Variants in CENPT observed in about 807,000 individuals in gnomAD.
CENPT encodes the protein centromere protein T.
CENPT carries 42 observed loss-of-function variants against 59.7 expected under a neutral mutation model. That is an observed-to-expected ratio of 0.70 (90% CI 0.55 to 0.91). The LOEUF (loss-of-function observed/expected upper bound fraction) is 0.91. Ranked by LOEUF, CENPT falls within the 40% of genes least tolerant of loss-of-function variation. The pLI is 0.00. For missense variants in CENPT, 716 were observed against 713.4 expected (o/e 1.00, Z -0.04); for synonymous variants, 295 against 289.6 (o/e 1.02, Z -0.19).
intron 8 of CENPT, 60 bp downstream of exon 8, chr16:67,831,694 C>T: frequency 6.2e-7 from 1 of 1,602,884 alleles, no homozygotes; most frequent in Admixed American, 1.7e-5. Context: ...TCTCAGGACT[C>T]CTCAGCCTCT....
intron 12 of CENPT, 56 bp from the exon 13 acceptor site, chr16:67,829,572 G>C: frequency 6.8e-7 from 1 of 1,472,106 alleles, no homozygotes. Flanking sequence ...TCTCACCCAG[G>C]CCAGCACAGC....
Position 67,831,250 on chromosome 16 carries a change from C to G in CENPT, c.669G>C (p.Leu223Phe), listed in dbSNP as rs2057685335. ...CCAGGGAAGTATCTCGCAGATCCCG[C>G]AAAAAGGCACCCACGTCTACAGCTC... The part of the protein sequence containing the change: ...ARRAVDVGAF[L>F]RDLRDTSLAP... Residue 223 changes from leucine to phenylalanine, a missense_variant, in exon 10 of 16, where the codon TTG becomes TTC. Coordinates refer to ENST00000562787, the MANE Select transcript of CENPT (RefSeq NM_025082.4). 6.2e-7 allele frequency: 1 copy of G among 1,614,102 alleles called. No individual in the cohort carries two copies. The highest frequency in any genetic ancestry group is 1.7e-5 in the Admixed American group (1 of 60,016).
intron 1 of CENPT, among the ~76,000 whole-genome samples, chr16:67,839,511 G>T (rs2057749922): frequency 6.6e-6 from 1 of 152,136 alleles, no homozygotes; most frequent in South Asian, 2.1e-4. Flanking sequence ...AGTGAGCCAA[G>T]ATTGCACCAC....
Position 67,842,369 on chromosome 16 carries a change from G to A in CENPT, c.-492+5032C>T. 4.0e-6 allele frequency: 1 copy of A among 248,244 alleles called. No individual in the cohort carries two copies. The allele number at this position is 248,244 out of a possible 1,614,324, so 15.4% of individuals were successfully genotyped here. A position where few individuals can be genotyped will look rare whatever the true frequency, so the allele number is the denominator to read the frequency against. ...GGCAGCCAGGCGGGCGGCGCGGCGC[G>A]GGCCGGCAGGAAGCGTATTCTGGGC... On this transcript the variant is annotated intron_variant, in intron 1 of 15. Transcript: ENST00000562787. The surrounding 1 kb of genome is among the most constrained non-coding windows in gnomAD (Gnocchi z 4.9).
chr16:67,832,169 C>A (rs768428967), intron 6 of CENPT, 59 bp downstream of exon 6: 3 of 1,608,778 alleles, frequency 1.9e-6, no homozygotes, highest in Non-Finnish European at 2.6e-6. Context: ...ATAAAAGATA[C>A]CACAAGACTG....
At chr16:67,834,180 C>G (rs770463563) in intron 3 of CENPT, 80 bp from the exon 4 acceptor site, 1 of 279,990 alleles carries the variant, frequency 3.6e-6, no homozygotes, top group Non-Finnish European at 6.7e-6. Context: ...GAGTCTAACA[C>G]ACGATAAGCC....
chr16:67,834,585 T>C (rs2057723321), intron 3 of CENPT, among the ~76,000 whole-genome samples: 1 of 152,166 alleles, frequency 6.6e-6, no homozygotes, highest in Non-Finnish European at 1.5e-5. Flanking sequence ...CACTCCAGCC[T>C]GGGCAACAGA....
rs1481772893 is a variant in CENPT, at chr16:67,842,517, G to A, written c.-492+4884C>T. The A allele has an allele frequency of 2.7e-6, 4 of 1,466,550 alleles. No individual in the cohort carries two copies. Among genetic ancestry groups the A allele is most frequent in the Non-Finnish European group, 3.6e-6 (4 of 1,109,394 alleles). 90.8% of individuals were successfully genotyped at this position (1,466,550 alleles called of 1,614,324 possible). A position where few individuals can be genotyped will look rare whatever the true frequency, so the allele number is the denominator to read the frequency against. On this transcript the variant is annotated intron_variant, in intron 1 of 15. Transcript: ENST00000562787. This position sits in a 1 kb window ranked among gnomAD's most constrained non-coding sequence, Gnocchi z 4.9. ...AGCCACTGGGCCGTCGAAGAGCGCAGGAGGCCGGTGGGCCGGGCCGGGCCG... is the reference window on the plus strand; with the variant it reads ...AGCCACTGGGCCGTCGAAGAGCGCAAGAGGCCGGTGGGCCGGGCCGGGCCG...
chr16:67,838,172 G>A (rs748660535), intron 1 of CENPT, among the ~76,000 whole-genome samples: 1 of 152,170 alleles, frequency 6.6e-6, no homozygotes, highest in East Asian at 1.9e-4. Context: ...GGAAATTAGA[G>A]TTTCATTGGG....
intron 3 of CENPT, among the ~76,000 whole-genome samples, chr16:67,834,484 T>A (rs578045450): frequency 6.6e-6 from 1 of 152,254 alleles, no homozygotes; most frequent in South Asian, 2.1e-4. Flanking sequence ...TCAGTCATGG[T>A]GGTGCGCGCC....
intron 9 of CENPT, 105 bp from the exon 10 acceptor site, chr16:67,831,463 G>C: frequency 6.4e-7 from 1 of 1,570,032 alleles, no homozygotes; most frequent in Non-Finnish European, 8.7e-7. Flanking sequence ...AACAGATGCT[G>C]TGAGGCTAAA....
rs377526364 is a variant in CENPT at position 67,833,895 on chromosome 16, G to C, written c.-36C>G. ...CCGGGCCCTCCTAACCGCCCAGCCA[G>C]CTGCAGGCTCCGCCTTCCCGCCGCC... is the stretch of plus-strand genomic sequence containing the variant. On this transcript the variant is annotated 5_prime_UTR_variant, in exon 4 of 16. Coordinates refer to ENST00000562787, the MANE Select transcript of CENPT (RefSeq NM_025082.4). The C allele has an allele frequency of 4.8e-4, 654 of 1,359,416 alleles. 5 individuals carry two copies. The South Asian group carries it at 5.3e-3, about 11-fold the overall frequency. The allele number at this position is 1,359,416 out of a possible 1,614,324, so 84.2% of individuals were successfully genotyped here.
intron 13 of CENPT, chr16:67,829,173 C>T (rs2057650549): frequency 9.7e-6 from 5 of 515,452 alleles, no homozygotes; most frequent in South Asian, 6.1e-5. Context: ...TTCTGCTAAT[C>T]GTCTTCCAGG....
chr16:67,829,301 T>A (rs1032251967), intron 13 of CENPT, 122 bp downstream of exon 13: 1 of 783,388 alleles, frequency 1.3e-6, no homozygotes, highest in African/African-American at 1.8e-5. Flanking sequence ...CCAGCCCAGC[T>A]GAAGCTGCCC....
At chr16:67,838,842 G>C (rs889809908) in intron 1 of CENPT, among the ~76,000 whole-genome samples, 10 of 151,424 alleles carry the variant, frequency 6.6e-5, no homozygotes, top group African/African-American at 2.4e-4. Context: ...CAGGAAAATC[G>C]TGTGAACTCG....
Position 67,843,510 on chromosome 16 carries a change from C to G in CENPT, c.-492+3891G>C. 1 of 1,596,046 alleles carries G rather than the reference C, an allele frequency of 6.3e-7. No individual in the cohort carries two copies. The highest frequency in any genetic ancestry group is 8.5e-7 in the Non-Finnish European group (1 of 1,170,476). On this transcript the variant is annotated intron_variant, in intron 1 of 15. Coordinates refer to ENST00000562787, the MANE Select transcript of CENPT (RefSeq NM_025082.4). This position sits in a 1 kb window ranked among gnomAD's most constrained non-coding sequence, Gnocchi z 5.7. ...AAGCACGGAATGTGAACTGGTGCCCCGGCAGCCTGCTGGACTCCCAGACCC... is the reference window on the plus strand; with the variant it reads ...AAGCACGGAATGTGAACTGGTGCCCGGGCAGCCTGCTGGACTCCCAGACCC...
Position 67,831,162 on chromosome 16 carries a change from G to C in CENPT, c.703+54C>G, listed in dbSNP as rs116478426. 1,206 of 1,611,844 alleles carry C rather than the reference G, an allele frequency of 7.5e-4. 12 individuals are homozygous for C. In the African/African-American group the frequency reaches 0.014, roughly 19 times the overall value. On this transcript the variant is annotated intron_variant, in intron 10 of 15. Coordinates refer to ENST00000562787, the MANE Select transcript of CENPT (RefSeq NM_025082.4). ...CCTGACTCAGCATCACCTCCTATCT[G>C]TCATAGCGGGGAGAGCTTTCCCCAA...
chr16:67,832,829 A>G (rs996204702), intron 4 of CENPT, among the ~76,000 whole-genome samples: 1 of 152,218 alleles, frequency 6.6e-6, no homozygotes, highest in Non-Finnish European at 1.5e-5. Context: ...ATCACAAAGG[A>G]TAAGTAGGGG....
At chr16:67,836,047 G>A (rs1567371822) in intron 1 of CENPT, among the ~76,000 whole-genome samples, 1 of 146,884 alleles carries the variant, frequency 6.8e-6, no homozygotes, top group East Asian at 2.1e-4. Flanking sequence ...CTGGTCTGCA[G>A]TTTTGTTTTT....
Sources: gnomAD v4.1 joint callset for allele counts (sites outside exome capture counted in the v4.1 genomes callset) on GRCh38, gnomAD v4.1.1 for gene constraint, Gnocchi (gnomAD v3.1) non-coding constraint, MANE v1.5 for transcripts, NCBI Gene and HGNC (gene_info 2026-07-23, HGNC 2026-07-21) for gene names.